The following LOC128092252 variants were observed in gnomAD, a reference collection of about 807,000 sequenced individuals.
the LOC128092252 span, among the ~76,000 whole-genome samples, chr15:50,681,264 T>TACACACACACACACACACACACACAC: frequency 4.1e-3 from 604 of 146,972 alleles, 2 homozygotes; most frequent in African/African-American, 0.011. Flanking sequence ...AATAAATAAA[T>TACACACACACACACACACACACACAC]ACACACACAC....
At chr15:50,663,961 T>C in the LOC128092252 span, among the ~76,000 whole-genome samples, 1 of 149,570 alleles carries the variant, frequency 6.7e-6, no homozygotes, top group Admixed American at 6.7e-5. Context: ...AGAGACTCTG[T>C]CTCAAAAAAC....
chr15:50,649,373 G>A, the LOC128092252 span, among the ~76,000 whole-genome samples: 1 of 151,408 alleles, frequency 6.6e-6, no homozygotes, highest in African/African-American at 2.4e-5. Flanking sequence ...CGTCAGGGCT[G>A]CAGTTAGCCT....
chr15:50,655,042 A>C, the LOC128092252 span, among the ~76,000 whole-genome samples: 1 of 133,434 alleles, frequency 7.5e-6, no homozygotes, highest in African/African-American at 2.7e-5. Flanking sequence ...CTGGATGGAC[A>C]AAACAGCAAA....
At chr15:50,671,346 T>A in the LOC128092252 span, among the ~76,000 whole-genome samples, 1 of 152,162 alleles carries the variant, frequency 6.6e-6, no homozygotes, top group Non-Finnish European at 1.5e-5. Flanking sequence ...TCACTTAACA[T>A]AATGTCCTCC....
chr15:50,659,209 A>G, the LOC128092252 span, among the ~76,000 whole-genome samples: 270 of 151,196 alleles, frequency 1.8e-3, no homozygotes, highest in African/African-American at 6.2e-3. Context: ...AAAAAAAAAG[A>G]AAGAACAAAC....
the LOC128092252 span, among the ~76,000 whole-genome samples, chr15:50,666,289 T>G: frequency 4.3e-4 from 65 of 150,202 alleles, no homozygotes; most frequent in African/African-American, 1.5e-3. Context: ...ATACAAAAAA[T>G]TAGCCAAGCA....
chr15:50,679,536 ATATTTTTT>A, the LOC128092252 span, among the ~76,000 whole-genome samples: 7 of 48,958 alleles, frequency 1.4e-4, no homozygotes, highest in Middle Eastern at 9.1e-3. Flanking sequence ...ATATATATAT[ATATTTTTT>A]TTTTTTTTTG....
At chr15:50,686,510 G>C in the LOC128092252 span, 1 of 1,613,792 alleles carries the variant, frequency 6.2e-7, no homozygotes, top group Non-Finnish European at 8.5e-7. Flanking sequence ...TTCCCCGCCC[G>C]GGCCTGCGTG....
chr15:50,670,485 G>C, the LOC128092252 span, among the ~76,000 whole-genome samples: 1 of 152,066 alleles, frequency 6.6e-6, no homozygotes, highest in Non-Finnish European at 1.5e-5. Flanking sequence ...CTTCCTCACT[G>C]CTCATTATAT....
At chr15:50,668,363 G>C in the LOC128092252 span, among the ~76,000 whole-genome samples, 1 of 152,120 alleles carries the variant, frequency 6.6e-6, no homozygotes, top group African/African-American at 2.4e-5. Flanking sequence ...TTGCAGTCAA[G>C]GATTTGAGCT....
chr15:50,681,304 A>C, the LOC128092252 span, among the ~76,000 whole-genome samples: 1 of 136,352 alleles, frequency 7.3e-6, no homozygotes, highest in East Asian at 1.9e-4. Flanking sequence ...AAGCATTCAG[A>C]GCAATGGCCA....
At chr15:50,659,053 C>G in the LOC128092252 span, among the ~76,000 whole-genome samples, 1 of 152,064 alleles carries the variant, frequency 6.6e-6, no homozygotes, top group Non-Finnish European at 1.5e-5. Context: ...AAAAAATTAG[C>G]CAGATGTGGT....
the LOC128092252 span, among the ~76,000 whole-genome samples, chr15:50,685,164 T>C: frequency 2.4e-4 from 37 of 152,322 alleles, no homozygotes; most frequent in African/African-American, 7.0e-4. Flanking sequence ...CTTTGCAAGT[T>C]TGAAATCTCC....
the LOC128092252 span, among the ~76,000 whole-genome samples, chr15:50,670,665 C>G: frequency 3.9e-5 from 6 of 152,080 alleles, no homozygotes; most frequent in Non-Finnish European, 7.4e-5. Context: ...ATAATCCACT[C>G]CTTGCTTAGC....
the LOC128092252 span, among the ~76,000 whole-genome samples, chr15:50,657,414 T>C: frequency 2.0e-5 from 3 of 152,338 alleles, no homozygotes; most frequent in South Asian, 6.2e-4. Context: ...ACAAAAAGCC[T>C]TGTAGAGTAA....
the LOC128092252 span, among the ~76,000 whole-genome samples, chr15:50,671,990 T>C: frequency 6.6e-6 from 1 of 152,198 alleles, no homozygotes; most frequent in East Asian, 1.9e-4. Flanking sequence ...ATGTTACTGA[T>C]TTATGTATTT....
the LOC128092252 span, among the ~76,000 whole-genome samples, chr15:50,677,782 T>C: frequency 2.1e-5 from 3 of 141,936 alleles, no homozygotes; most frequent in Admixed American, 7.1e-5. Flanking sequence ...CCAGAGCCTC[T>C]ACTAAGTAAC....
chr15:50,658,108 C>A, the LOC128092252 span, among the ~76,000 whole-genome samples: 1 of 151,694 alleles, frequency 6.6e-6, no homozygotes, highest in Non-Finnish European at 1.5e-5. Flanking sequence ...GGGTTCACAC[C>A]ACTCTCCTGC....
the LOC128092252 span, among the ~76,000 whole-genome samples, chr15:50,679,646 A>C: frequency 6.8e-6 from 1 of 148,108 alleles, no homozygotes; most frequent in African/African-American, 2.5e-5. Flanking sequence ...ACCAATTCTC[A>C]TGCCCCAGTC....
Sources: gnomAD v4.1 joint callset for allele counts (sites outside exome capture counted in the v4.1 genomes callset) on GRCh38, gnomAD v4.1.1 for gene constraint, MANE v1.5 for transcripts.